Variants in USP10 observed in about 807,000 individuals in gnomAD.
The protein encoded by USP10 is ubiquitin specific peptidase 10.
Under a neutral mutation model 84.5 loss-of-function variants are expected in USP10, and 22 were observed. The observed-to-expected ratio is 0.26, with a 90% confidence interval of 0.19 to 0.37. The LOEUF (loss-of-function observed/expected upper bound fraction) is 0.37, where lower values mean the gene tolerates loss of function less well. USP10 is among the 10% of genes least tolerant of loss of function. The pLI is 1.00. For missense variants in USP10, 1,019 were observed against 998.9 expected (o/e 1.02, Z -0.27); for synonymous variants, 454 against 387.6 (o/e 1.17, Z -2.01).
chr16:84,733,729 C>G (rs1300928822), intron 2 of USP10, among the ~76,000 whole-genome samples: 3 of 152,152 alleles, frequency 2.0e-5, no homozygotes, highest in Non-Finnish European at 4.4e-5. Flanking sequence ...ATTACAGATG[C>G]AACTGAAGCC....
chr16:84,767,093 A>T (rs1412480547), intron 10 of USP10, among the ~76,000 whole-genome samples: 1 of 152,188 alleles, frequency 6.6e-6, no homozygotes, highest in East Asian at 1.9e-4. Context: ...GAAGTCTTCA[A>T]ACTGTAAAGG....
intron 8 of USP10, among the ~76,000 whole-genome samples, chr16:84,761,414 A>G (rs560454308): frequency 1.3e-5 from 2 of 152,382 alleles, no homozygotes; most frequent in Admixed American, 1.3e-4. Context: ...CAGAAAATGC[A>G]GAAGCTGGTA....
chr16:84,757,183 G>C (rs1355952218), intron 4 of USP10, among the ~76,000 whole-genome samples: 1 of 152,066 alleles, frequency 6.6e-6, no homozygotes, highest in African/African-American at 2.4e-5. Context: ...GGTTCAGTTC[G>C]TAACTGATCC....
chr16:84,739,712 C>T (rs941806323), intron 2 of USP10, among the ~76,000 whole-genome samples: 6 of 152,232 alleles, frequency 3.9e-5, no homozygotes, highest in Admixed American at 3.9e-4. Flanking sequence ...AGAAGTCAGA[C>T]AGTTCCCATT....
Position 84,745,475 on chromosome 16 carries a change from G to A in USP10, c.994G>A (p.Gly332Ser). Residue 332 changes from glycine (G) to serine (S), a missense_variant, in exon 4 of 14, where the codon GGC becomes AGC. Physicochemically the swap from Gly to Ser is moderately conservative, Grantham distance 56. Around this residue, in one of 2 missense-constraint regions of USP10, gnomAD observed 787 missense variants for 708.8 expected, o/e 1.11. Transcript: ENST00000219473. The stretch of plus-strand genomic sequence containing the variant: ...TGCTGACGGCACGGGCTCTGCATCA[G>A]GCACCCTTCCTGTCAGCCAGCCCAA... ...PPADGTGSAS[G>S]TLPVSQPKSW... 6.2e-7 allele frequency: 1 copy of A among 1,613,568 alleles called. No individual in the cohort carries two copies.
chr16:84,711,719 CTTTT>C (rs10706586), intron 1 of USP10, among the ~76,000 whole-genome samples: 2 of 114,272 alleles, frequency 1.8e-5, no homozygotes, highest in Non-Finnish European at 3.4e-5. Context: ...GAAGGGCTAG[CTTTT>C]TTTTTTTTTT....
intron 4 of USP10, among the ~76,000 whole-genome samples, chr16:84,749,840 C>G (rs531838986): frequency 6.6e-6 from 1 of 152,166 alleles, no homozygotes; most frequent in Non-Finnish European, 1.5e-5. Context: ...TCTACTTGGA[C>G]CTTCTTGGTG....
rs762207991 is a variant in USP10 at position 84,772,538 on chromosome 16, T to C, written c.1999-3T>C. Reference sequence around the variant, plus strand: ...GTGTGTCCTGGTGTGCTTTGTGTCTTAGGTTGAGATAAGTCGAAGAGTGAC... The same window carrying C: ...GTGTGTCCTGGTGTGCTTTGTGTCTCAGGTTGAGATAAGTCGAAGAGTGAC... On this transcript the variant is annotated splice_region_variant and splice_polypyrimidine_tract_variant and intron_variant, in intron 11 of 13. Coordinates refer to ENST00000219473, the MANE Select transcript of USP10 (RefSeq NM_005153.3). The C allele has an allele frequency of 1.4e-5, 22 of 1,613,494 alleles. No homozygotes were observed. The highest frequency in any genetic ancestry group is 1.6e-5 in the Non-Finnish European group (19 of 1,179,768).
intron 4 of USP10, among the ~76,000 whole-genome samples, chr16:84,757,194 A>G (rs185619612): frequency 7.2e-5 from 11 of 152,290 alleles, no homozygotes; most frequent in African/African-American, 2.6e-4. Flanking sequence ...TAACTGATCC[A>G]TTATTCATTT....
intron 2 of USP10, among the ~76,000 whole-genome samples, chr16:84,738,646 T>C (rs1362282178): frequency 6.6e-6 from 1 of 152,218 alleles, no homozygotes; most frequent in East Asian, 1.9e-4. Flanking sequence ...ACGTGATGCG[T>C]ACTAGGTTGC....
rs752334811 is a variant in USP10 at position 84,744,704 on chromosome 16, C to T, written c.223C>T (p.Pro75Ser). The T allele has an allele frequency of 6.2e-7, 1 of 1,613,592 alleles. No individual in the cohort carries two copies. The highest frequency in any genetic ancestry group is 8.5e-7 in the Non-Finnish European group (1 of 1,179,702). Residue 75 changes from proline to serine, a missense_variant, in exon 4 of 14, where the codon CCC (proline) becomes TCC (serine). Transcript: ENST00000219473. The stretch of plus-strand genomic sequence containing the variant: ...ACCCAGTGACACTTTGCCGAGAACC[C>T]CCAGCTACAGTATTTCAAGCACACT... ...IEPSDTLPRT[P>S]SYSISSTLNP...
rs750786007 is a variant in USP10 at position 84,744,786 on chromosome 16, A to C, written c.305A>C (p.Asp102Ala). The C allele has an allele frequency of 1.2e-6, 2 of 1,613,672 alleles. No individual in the cohort carries two copies. Among genetic ancestry groups the C allele is most frequent in the South Asian group, 2.2e-5 (2 of 91,060 alleles). Reference sequence around the variant, plus strand: ...TGTACAGCTTCCAAAATAACCCCTGATGGTATCACTAAAGAAGCAAGCTAT... The same window carrying C: ...TGTACAGCTTCCAAAATAACCCCTGCTGGTATCACTAAAGAAGCAAGCTAT... ...LGCTASKITP[D>A]GITKEASYGS... is the part of the protein sequence containing the mutation. Residue 102 changes from aspartate to alanine, a missense_variant, in exon 4 of 14, where the codon GAT becomes GCT. By Grantham distance (126) the Asp-to-Ala change is moderately radical. This residue lies in a region of USP10 where 787 missense variants were observed against 708.8 expected (regional missense o/e 1.11). Transcript: ENST00000219473.
At chr16:84,742,523 C>T (rs181440976) in intron 3 of USP10, among the ~76,000 whole-genome samples, 1 of 152,234 alleles carries the variant, frequency 6.6e-6, no homozygotes, top group Admixed American at 6.5e-5. Flanking sequence ...ACTGCATGTA[C>T]TGCAGTGAGC....
intron 1 of USP10, 32 bp from the exon 2 acceptor site, chr16:84,733,403 A>T (rs1420284301): frequency 6.7e-7 from 1 of 1,487,032 alleles, no homozygotes; most frequent in East Asian, 2.3e-5. Flanking sequence ...TGTATATTTT[A>T]TGTGATCAGT....
chr16:84,730,157 C>G (rs1210532579), intron 1 of USP10, among the ~76,000 whole-genome samples: 2 of 152,126 alleles, frequency 1.3e-5, no homozygotes, highest in Non-Finnish European at 2.9e-5. Context: ...TGCTACTGTC[C>G]CAAAGGTGAA....
At chr16:84,704,971 G>A (rs137918266) in intron 1 of USP10, 1 of 1,458,130 alleles carries the variant, frequency 6.9e-7, no homozygotes, top group African/African-American at 1.4e-5. Flanking sequence ...GTGGAGTGCG[G>A]GCCCAGCACC....
chr16:84,765,318 A>C (rs1913730664), intron 10 of USP10, among the ~76,000 whole-genome samples: 1 of 152,174 alleles, frequency 6.6e-6, no homozygotes, highest in South Asian at 2.1e-4. Context: ...CAAAAGTCCC[A>C]AATACAGTGC....
intron 9 of USP10, among the ~76,000 whole-genome samples, chr16:84,763,557 A>G (rs899135072): frequency 1.3e-5 from 2 of 152,228 alleles, no homozygotes; most frequent in African/African-American, 4.8e-5. Context: ...TCCCTTATCT[A>G]ACTGAGAAAA....
At chr16:84,741,890 G>T (rs1193801263) in intron 3 of USP10, among the ~76,000 whole-genome samples, 2 of 152,100 alleles carry the variant, frequency 1.3e-5, no homozygotes, top group Non-Finnish European at 2.9e-5. Flanking sequence ...ATTTCTCTGT[G>T]TCTGTCACTG....
Sources: gnomAD v4.1 joint callset for allele counts (sites outside exome capture counted in the v4.1 genomes callset) on GRCh38, gnomAD v4.1.1 for gene constraint, gnomAD v4.1.1 regional missense constraint, MANE v1.5 for transcripts, NCBI Gene and HGNC (gene_info 2026-07-23, HGNC 2026-07-21) for gene names.